The following KLHL1 variants were observed in gnomAD, a reference collection of about 807,000 sequenced individuals.
The protein encoded by KLHL1 is kelch like family member 1.
A neutral mutation model predicts 77.7 loss-of-function variants in KLHL1; 47 were observed. The ratio of observed to expected loss-of-function variants is 0.60; its 90% confidence interval spans 0.48 to 0.77. The LOEUF is 0.77. KLHL1 is among the 30% of genes least tolerant of loss of function. The probability of loss-of-function intolerance (pLI) is 0.00; values close to 1 mark genes in which losing one functional copy is unlikely to be tolerated. For synonymous variants in KLHL1, 360 were observed against 325.2 expected, an observed-to-expected ratio of 1.11 and a Z score of -1.15; for missense variants, 925 against 910.8, an observed-to-expected ratio of 1.02 and a Z score of -0.20.
chr13:69,848,392 T>C (rs1879555239), intron 5 of KLHL1, among the ~76,000 whole-genome samples: 1 of 151,440 alleles, frequency 6.6e-6, no homozygotes, highest in Admixed American at 6.6e-5. Flanking sequence ...TGAAAGAGTA[T>C]ACCACCCAGG....
At chr13:69,857,481 T>C (rs2138144998) in intron 5 of KLHL1, among the ~76,000 whole-genome samples, 1 of 152,138 alleles carries the variant, frequency 6.6e-6, no homozygotes, top group East Asian at 1.9e-4. Context: ...TGCCACAGAG[T>C]TGACATTAAT....
chr13:69,768,380 A>T lies in KLHL1; in HGVS notation c.1640-27824T>A, dbSNP rs958479786. Among the ~76,000 whole-genome samples the T allele has an allele frequency of 3.4e-4, 52 of 152,298 alleles. 1 individual carries two copies. The highest frequency in any genetic ancestry group is 2.7e-3 in the Admixed American group (42 of 15,298). On this transcript the variant is annotated intron_variant, in intron 7 of 10. Coordinates refer to ENST00000377844, the MANE Select transcript of KLHL1 (RefSeq NM_020866.3). ...CAGCTGTGATTTGGACCTAGTGGAC[A>T]TTCAATTAATGCATGTCCACTAGAG...
At chr13:69,899,416 T>C (rs1023672595) in intron 4 of KLHL1, among the ~76,000 whole-genome samples, 3 of 152,206 alleles carry the variant, frequency 2.0e-5, no homozygotes, top group African/African-American at 7.2e-5. Flanking sequence ...AAGGTCATCC[T>C]CTGCATAAGA....
At chr13:69,760,208 C>G (rs954564047) in intron 7 of KLHL1, among the ~76,000 whole-genome samples, 1 of 152,096 alleles carries the variant, frequency 6.6e-6, no homozygotes, top group African/African-American at 2.4e-5. Context: ...ATACTCTCTG[C>G]CTAGACTCAG....
intron 8 of KLHL1, among the ~76,000 whole-genome samples, chr13:69,734,323 A>T (rs948109004): frequency 6.6e-6 from 1 of 152,172 alleles, no homozygotes; most frequent in African/African-American, 2.4e-5. Flanking sequence ...AGATGCCATC[A>T]TCATGCTTCC....
chr13:69,741,691 G>A (rs1009419316), intron 7 of KLHL1, among the ~76,000 whole-genome samples: 1 of 152,078 alleles, frequency 6.6e-6, no homozygotes, highest in African/African-American at 2.4e-5. Context: ...TTTCCTTAGA[G>A]CATTTACTTT....
intron 6 of KLHL1, among the ~76,000 whole-genome samples, chr13:69,832,483 TTCATGGATGGGTAGAA>T (rs1420088524): frequency 6.7e-6 from 1 of 149,878 alleles, no homozygotes; most frequent in Non-Finnish European, 1.5e-5. Flanking sequence ...ACATCCCATG[TTCATGGATGGGTAGAA>T]TCATTGGGAA....
intron 5 of KLHL1, among the ~76,000 whole-genome samples, chr13:69,854,536 A>G (rs1364380): frequency 0.38 from 58,200 of 151,828 alleles, 12,841 homozygotes; most frequent in African/African-American, 0.62. Flanking sequence ...CCACAGCACA[A>G]GCACATAAGA....
chr13:69,925,343 A>C (rs1380921458), intron 4 of KLHL1, among the ~76,000 whole-genome samples: 1 of 152,178 alleles, frequency 6.6e-6, no homozygotes, highest in African/African-American at 2.4e-5. Flanking sequence ...GAAAACAGTT[A>C]ATATAATATA....
chr13:69,796,682 A>G (rs1877119446), intron 7 of KLHL1, 56 bp downstream of exon 7: 1 of 1,201,974 alleles, frequency 8.3e-7, no homozygotes. Context: ...TTTATCATAT[A>G]GTTACATTAT....
At chr13:69,744,229 A>G (rs1454031649) in intron 7 of KLHL1, among the ~76,000 whole-genome samples, 1 of 152,138 alleles carries the variant, frequency 6.6e-6, no homozygotes, top group Non-Finnish European at 1.5e-5. Context: ...ATGGCCAGAT[A>G]GGTGAGAGAA....
intron 5 of KLHL1, among the ~76,000 whole-genome samples, chr13:69,844,199 C>A (rs1262989182): frequency 6.6e-6 from 1 of 150,476 alleles, no homozygotes; most frequent in Non-Finnish European, 1.5e-5. Flanking sequence ...CATAGATGTA[C>A]ACATAAAAAT....
rs35761520 is a variant in KLHL1, at chr13:69,903,630, CTTTTTTTTTTTTTTTTT to C, written c.1015-21152_1015-21136del. On this transcript the variant is annotated intron_variant, in intron 4 of 10. Transcript: ENST00000377844. The stretch of plus-strand genomic sequence containing the variant: ...TTTGCAGAAAACCCTTGTTCACATT[CTTTTTTTTTTTTTTTTT>C]TTTTTTTTTTTTTGAGATGGAGTGT... Among the ~76,000 whole-genome samples the C allele has an allele frequency of 3.2e-4, 16 of 50,204 alleles. No individual in the cohort carries two copies. The Admixed American group carries it at 3.9e-3, about 12-fold the overall frequency. The allele number at this position is 50,204 out of a possible 152,430, so 32.9% of individuals were successfully genotyped here.
At chr13:69,786,024 C>T (rs553054391) in intron 7 of KLHL1, among the ~76,000 whole-genome samples, 54 of 152,132 alleles carry the variant, frequency 3.5e-4, no homozygotes, top group Admixed American at 2.0e-3. Context: ...AACAGCTTAC[C>T]CCCCAAAAAG....
chr13:69,881,766 T>G (rs1191167642), intron 5 of KLHL1, among the ~76,000 whole-genome samples: 1 of 152,190 alleles, frequency 6.6e-6, no homozygotes, highest in East Asian at 1.9e-4. Context: ...TCCATAATTC[T>G]AATTGCTAAC....
intron 7 of KLHL1, among the ~76,000 whole-genome samples, chr13:69,764,742 G>A (rs577936497): frequency 6.6e-6 from 1 of 151,692 alleles, no homozygotes; most frequent in Non-Finnish European, 1.5e-5. Context: ...AACACAGATC[G>A]ACTCAATTCT....
At chr13:69,716,809 A>C (rs1020804374) in intron 9 of KLHL1, among the ~76,000 whole-genome samples, 4 of 152,188 alleles carry the variant, frequency 2.6e-5, no homozygotes, top group Admixed American at 1.3e-4. Flanking sequence ...AGTGCCAAAT[A>C]CATGAAAAAC....
intron 4 of KLHL1, among the ~76,000 whole-genome samples, chr13:69,932,809 T>C (rs1413297414): frequency 6.6e-6 from 1 of 151,880 alleles, no homozygotes; most frequent in Non-Finnish European, 1.5e-5. Flanking sequence ...TACCAATGAC[T>C]CCAATTTGTA....
intron 5 of KLHL1, among the ~76,000 whole-genome samples, chr13:69,852,307 T>C (rs1179082729): frequency 1.3e-5 from 2 of 151,924 alleles, no homozygotes; most frequent in East Asian, 3.9e-4. Flanking sequence ...TTGAGAATTC[T>C]TCCCTTACTT....
Sources: allele counts gnomAD v4.1 joint callset (sites outside exome capture counted in the v4.1 genomes callset), GRCh38; gene constraint gnomAD v4.1.1; transcripts MANE v1.5; gene names NCBI Gene and HGNC (gene_info 2026-07-23, HGNC 2026-07-21).